NEK7: variants seen among roughly 807,000 people sequenced by gnomAD.
NEK7 encodes serine/threonine-protein kinase Nek7.
A neutral mutation model predicts 44.6 loss-of-function variants in NEK7; 18 were observed. That is an observed-to-expected ratio of 0.40 (90% CI 0.28 to 0.60). The LOEUF (loss-of-function observed/expected upper bound fraction) is 0.60, where lower values mean the gene tolerates loss of function less well. NEK7 is among the 20% of genes least tolerant of loss of function. NEK7 has a pLI of 0.38. For synonymous variants in NEK7, 130 were observed against 121.1 expected (o/e 1.07, Z -0.48); for missense variants, 256 against 366.5 (o/e 0.70, Z 2.46).
intron 3 of NEK7, among the ~76,000 whole-genome samples, chr1:198,254,404 T>G (rs1653180605): frequency 6.6e-6 from 1 of 152,176 alleles, no homozygotes; most frequent in African/African-American, 2.4e-5. Context: ...TACTTTTGCA[T>G]TTTTTTAAAC....
intron 2 of NEK7, among the ~76,000 whole-genome samples, chr1:198,244,943 C>T (rs191823376): frequency 4.6e-5 from 7 of 152,232 alleles, no homozygotes; most frequent in African/African-American, 1.7e-4. Flanking sequence ...CTGTATATAA[C>T]TTTTGACTCC....
intron 1 of NEK7, among the ~76,000 whole-genome samples, chr1:198,210,963 G>A (rs1381868340): frequency 1.3e-5 from 2 of 151,210 alleles, no homozygotes; most frequent in South Asian, 2.1e-4. Context: ...CGTTTTAGCC[G>A]GGATGGTCTC....
chr1:198,217,736 T>A (rs1264144746), intron 1 of NEK7, among the ~76,000 whole-genome samples: 1 of 151,130 alleles, frequency 6.6e-6, no homozygotes, highest in East Asian at 1.9e-4. Flanking sequence ...GAATTAAGTA[T>A]CAGGTTACAA....
At chr1:198,262,407 A>G (rs1653505743) in intron 3 of NEK7, among the ~76,000 whole-genome samples, 168 bp from the exon 4 acceptor site, 2 of 151,926 alleles carry the variant, frequency 1.3e-5, no homozygotes, top group African/African-American at 4.8e-5. Context: ...AATGTAAGCA[A>G]TGTTGGTAAC....
intron 7 of NEK7, among the ~76,000 whole-genome samples, chr1:198,290,478 A>G (rs1654519545): frequency 6.6e-6 from 1 of 152,156 alleles, no homozygotes; most frequent in South Asian, 2.1e-4. Flanking sequence ...CTAGATAGAG[A>G]GAGGTAAGGA....
chr1:198,213,194 T>G (rs1051146469), intron 1 of NEK7, among the ~76,000 whole-genome samples: 1 of 152,144 alleles, frequency 6.6e-6, no homozygotes, highest in African/African-American at 2.4e-5. Flanking sequence ...AGTCTGGCCT[T>G]TAGGGACTGT....
intron 5 of NEK7, among the ~76,000 whole-genome samples, chr1:198,277,399 G>A (rs1654049645): frequency 6.6e-6 from 1 of 151,814 alleles, no homozygotes; most frequent in South Asian, 2.1e-4. Context: ...CTTCCATGGA[G>A]TTTAGTTTCA....
At chr1:198,306,116 C>T (rs1655018678) in intron 9 of NEK7, among the ~76,000 whole-genome samples, 1 of 151,980 alleles carries the variant, frequency 6.6e-6, no homozygotes, top group Non-Finnish European at 1.5e-5. Flanking sequence ...GTGTCCACCC[C>T]CATAGAGTTT....
intron 1 of NEK7, among the ~76,000 whole-genome samples, chr1:198,231,388 AG>A (rs1253427270): frequency 6.8e-6 from 1 of 146,876 alleles, no homozygotes; most frequent in African/African-American, 2.5e-5. Context: ...GCAGCAGTGC[AG>A]TGTGGTAAAG....
chr1:198,306,197 T>TAA (rs1655021778), intron 9 of NEK7, among the ~76,000 whole-genome samples: 1 of 152,208 alleles, frequency 6.6e-6, no homozygotes, highest in African/African-American at 2.4e-5. Flanking sequence ...TATTAGCTTT[T>TAA]AGGAAATAGT....
intron 1 of NEK7, among the ~76,000 whole-genome samples, chr1:198,198,909 G>A (rs1277644405): frequency 6.6e-6 from 1 of 152,178 alleles, no homozygotes; most frequent in Non-Finnish European, 1.5e-5. Flanking sequence ...CCTTCAGTTG[G>A]TATCCTGTGC....
At chr1:198,207,331 A>G (rs1665627336) in intron 1 of NEK7, 1 of 152,196 alleles carries the variant, frequency 6.6e-6, no homozygotes. Flanking sequence ...AACTTATTAA[A>G]TGTAATACTA....
At chr1:198,246,840 T>A (rs540580694) in intron 2 of NEK7, among the ~76,000 whole-genome samples, 4 of 152,218 alleles carry the variant, frequency 2.6e-5, no homozygotes, top group African/African-American at 9.7e-5. Flanking sequence ...GCTGTTGAGA[T>A]TGACAAATCT....
intron 1 of NEK7, among the ~76,000 whole-genome samples, chr1:198,178,716 A>T (rs16842516): frequency 0.1 from 15,474 of 151,686 alleles, 1,015 homozygotes; most frequent in East Asian, 0.22. Flanking sequence ...TGTTGTTGTC[A>T]TGGAATACAG....
At chr1:198,213,478 C>T (rs577231314) in intron 1 of NEK7, among the ~76,000 whole-genome samples, 6 of 152,220 alleles carry the variant, frequency 3.9e-5, no homozygotes, top group East Asian at 1.9e-4. Flanking sequence ...AGGAGCTCAG[C>T]GTAGGTGCAT....
intron 9 of NEK7, among the ~76,000 whole-genome samples, chr1:198,315,766 G>A (rs929092880): frequency 3.3e-5 from 5 of 152,166 alleles, no homozygotes; most frequent in Non-Finnish European, 5.9e-5. Flanking sequence ...TGGAGGTGCT[G>A]TTAGGAAGAG....
At chr1:198,275,739 T>G (rs931885454) in intron 5 of NEK7, among the ~76,000 whole-genome samples, 1 of 151,506 alleles carries the variant, frequency 6.6e-6, no homozygotes, top group Non-Finnish European at 1.5e-5. Flanking sequence ...ATTCGAATTT[T>G]CATTGCCTTT....
intron 1 of NEK7, among the ~76,000 whole-genome samples, chr1:198,186,284 C>T (rs895395077): frequency 6.6e-6 from 1 of 152,160 alleles, no homozygotes; most frequent in African/African-American, 2.4e-5. Flanking sequence ...GTATGGCAAA[C>T]TATAATATTG....
At chr1:198,199,932 A>G (rs1665370213) in intron 1 of NEK7, among the ~76,000 whole-genome samples, 1 of 151,922 alleles carries the variant, frequency 6.6e-6, no homozygotes, top group Admixed American at 6.6e-5. Flanking sequence ...ATATATTTAG[A>G]TTTAAATCTG....
Sources: allele counts gnomAD v4.1 joint callset (sites outside exome capture counted in the v4.1 genomes callset), GRCh38; gene constraint gnomAD v4.1.1; transcripts MANE v1.5; gene names NCBI Gene and HGNC (gene_info 2026-07-23, HGNC 2026-07-21).